The following MND1 variants were observed in gnomAD, a reference collection of about 807,000 sequenced individuals.
The protein encoded by MND1 is meiotic nuclear divisions 1.
In MND1, 28 loss-of-function variants were observed where a neutral mutation model predicts 35.1. The observed-to-expected ratio is 0.80, with a 90% CI of 0.59 to 1.09. The LOEUF (loss-of-function observed/expected upper bound fraction) is 1.09, where lower values mean the gene tolerates loss of function less well. Among genes scored for constraint, MND1 ranks in the 50% least tolerant of loss-of-function variants. The pLI is 0.00. For synonymous variants in MND1, 69 were observed against 70.5 expected, an observed-to-expected ratio of 0.98 and a Z score of 0.11; for missense variants, 213 against 239.6, an observed-to-expected ratio of 0.89 and a Z score of 0.73.
rs35214226 is a variant in MND1, at chr4:153,384,258, CTT to C, written c.277-9978_277-9977del. Among the ~76,000 whole-genome samples the C allele has an allele frequency of 4.4e-3, 245 of 55,350 alleles. 2 individuals carry two copies. Among genetic ancestry groups the C allele is most frequent in the African/African-American group, 0.017 (226 of 12,936 alleles). 36.3% of individuals were successfully genotyped at this position (55,350 alleles called of 152,430 possible). ...TCCATATTTCCATTTCTACTTTCTG[CTT>C]TTTTTTTTTTTTTTTTTTTTTTTTT... is the stretch of plus-strand genomic sequence containing the variant. On this transcript the variant is annotated intron_variant, in intron 4 of 7. Transcript: ENST00000240488.
chr4:153,345,787 A>G (rs1209194804), intron 1 of MND1, among the ~76,000 whole-genome samples: 2 of 152,266 alleles, frequency 1.3e-5, no homozygotes, highest in Admixed American at 1.3e-4. Flanking sequence ...GGTTAAACTA[A>G]CAACCCAGCC....
rs763916237 is a variant in MND1, at chr4:153,409,033, G to A, written c.511+18G>A. On this transcript the variant is annotated intron_variant, in intron 7 of 7. Transcript: ENST00000240488. The stretch of plus-strand genomic sequence containing the variant: ...ATGGACTGGTATGTACTATAATAAT[G>A]CTGATAAACTATAGCTAAATTCCCT... 1 of 1,336,798 alleles carries A rather than the reference G, an allele frequency of 7.5e-7. No individual in the cohort carries two copies. Among genetic ancestry groups the A allele is most frequent in the East Asian group, 3.0e-5 (1 of 33,294 alleles). 82.8% of individuals were successfully genotyped at this position (1,336,798 alleles called of 1,614,324 possible).
At chr4:153,404,345 C>CTT (rs70963176) in intron 6 of MND1, among the ~76,000 whole-genome samples, 55 of 129,734 alleles carry the variant, frequency 4.2e-4, no homozygotes, top group African/African-American at 1.2e-3. Context: ...CCACGCCCAG[C>CTT]TTTTTTTTTT....
At chr4:153,363,139 T>G in intron 4 of MND1, 5 of 321,522 alleles carry the variant, frequency 1.6e-5, no homozygotes, top group Non-Finnish European at 2.2e-5. Flanking sequence ...CTGGTGTGCA[T>G]GTTAGACTCC....
At chr4:153,348,837 A>G (rs1773138409) in intron 1 of MND1, among the ~76,000 whole-genome samples, 1 of 152,160 alleles carries the variant, frequency 6.6e-6, no homozygotes, top group South Asian at 2.1e-4. Flanking sequence ...GTTTTACAAG[A>G]ATTAAGACTC....
intron 3 of MND1, among the ~76,000 whole-genome samples, chr4:153,357,618 C>T (rs915008649): frequency 6.6e-6 from 1 of 152,098 alleles, no homozygotes; most frequent in Admixed American, 6.5e-5. Context: ...TATAACTGGA[C>T]CCATGCAGTT....
chr4:153,360,630 A>G (rs911337665), intron 4 of MND1, among the ~76,000 whole-genome samples: 6 of 147,830 alleles, frequency 4.1e-5, no homozygotes, highest in African/African-American at 1.5e-4. Flanking sequence ...ACATAAAAAT[A>G]CACACATATA....
chr4:153,367,274 G>C (rs1330765236), intron 4 of MND1, among the ~76,000 whole-genome samples: 1 of 152,012 alleles, frequency 6.6e-6, no homozygotes, highest in South Asian at 2.1e-4. Context: ...AAACAGAAAC[G>C]CTCTACTCTT....
intron 7 of MND1, among the ~76,000 whole-genome samples, chr4:153,412,759 A>C (rs1729720593): frequency 6.7e-6 from 1 of 149,356 alleles, no homozygotes; most frequent in South Asian, 2.1e-4. Context: ...AAGTGCTGGC[A>C]TTACAGGCGT....
At chr4:153,358,702 T>A (rs946596943) in intron 4 of MND1, 80 bp downstream of exon 4, 22 of 1,412,616 alleles carry the variant, frequency 1.6e-5, no homozygotes, top group Admixed American at 1.5e-4. Flanking sequence ...TGTTTAGCAG[T>A]TTCTTTTGAA....
chr4:153,404,714 G>C (rs1342883407), intron 6 of MND1, among the ~76,000 whole-genome samples: 2 of 150,242 alleles, frequency 1.3e-5, no homozygotes, highest in South Asian at 4.2e-4. Flanking sequence ...CCTGACCTCC[G>C]GTGATCTGCC....
At chr4:153,357,289 A>T (rs1773370228) in intron 3 of MND1, among the ~76,000 whole-genome samples, 1 of 152,166 alleles carries the variant, frequency 6.6e-6, no homozygotes. Context: ...GTCATCAGTG[A>T]ACAATTGGTT....
chr4:153,352,278 T>C (rs1242668627), intron 2 of MND1, among the ~76,000 whole-genome samples: 3 of 152,132 alleles, frequency 2.0e-5, no homozygotes, highest in Non-Finnish European at 4.4e-5. Context: ...GACATGATCA[T>C]GTATGGATGG....
intron 1 of MND1, among the ~76,000 whole-genome samples, chr4:153,345,115 G>A (rs543734539): frequency 6.6e-6 from 1 of 152,338 alleles, no homozygotes; most frequent in South Asian, 2.1e-4. Context: ...CGGGGCCCTT[G>A]AGAACCTGGG....
At chr4:153,381,297 G>A (rs778784416) in intron 4 of MND1, among the ~76,000 whole-genome samples, 10 of 151,968 alleles carry the variant, frequency 6.6e-5, no homozygotes, top group Non-Finnish European at 1.3e-4. Context: ...CTCCTTTGCT[G>A]TTGAAGCTAT....
chr4:153,376,518 G>C (rs1167181572), intron 4 of MND1, among the ~76,000 whole-genome samples: 1 of 152,104 alleles, frequency 6.6e-6, no homozygotes, highest in South Asian at 2.1e-4. Flanking sequence ...GCTTGTGTTA[G>C]TGGACATAGC....
At chr4:153,409,396 G>C (rs2149660205) in intron 7 of MND1, among the ~76,000 whole-genome samples, 1 of 95,482 alleles carries the variant, frequency 1.0e-5, no homozygotes, top group African/African-American at 5.2e-5. Context: ...TAATAGCTAA[G>C]GTTTGTTGAG....
At chr4:153,371,024 TCTC>T (rs1407988000) in intron 4 of MND1, among the ~76,000 whole-genome samples, 1 of 152,104 alleles carries the variant, frequency 6.6e-6, no homozygotes, top group Non-Finnish European at 1.5e-5. Context: ...AAAACGTTAA[TCTC>T]CTTGTATATC....
intron 6 of MND1, among the ~76,000 whole-genome samples, chr4:153,402,868 A>C (rs1729380127): frequency 6.6e-6 from 1 of 152,214 alleles, no homozygotes; most frequent in African/African-American, 2.4e-5. Context: ...AAAAGCTTAA[A>C]AGGGCCAGAT....
Sources: allele counts gnomAD v4.1 joint callset (sites outside exome capture counted in the v4.1 genomes callset), GRCh38; gene constraint gnomAD v4.1.1; transcripts MANE v1.5; gene names NCBI Gene and HGNC (gene_info 2026-07-23, HGNC 2026-07-21).